The following ZNF221 variants were observed in gnomAD, a reference collection of about 807,000 sequenced individuals.
ZNF221 encodes zinc finger protein 221.
ZNF221 carries 10 observed loss-of-function variants against 12.6 expected under a neutral mutation model. The ratio of observed to expected loss-of-function variants is 0.79; its 90% CI spans 0.49 to 1.34. The LOEUF (loss-of-function observed/expected upper bound fraction) is 1.34, where lower values mean the gene tolerates loss of function less well. Among genes scored for constraint, ZNF221 ranks in the 40% most tolerant of loss-of-function variants. The pLI, the probability that ZNF221 is intolerant of heterozygous loss-of-function variation, is 0.00. For synonymous variants in ZNF221, 232 were observed against 244.0 expected, an observed-to-expected ratio of 0.95 and a Z score of 0.46; for missense variants, 661 against 721.4, an observed-to-expected ratio of 0.92 and a Z score of 0.96.
Position 43,966,848 on chromosome 19 carries a change from C to T in ZNF221, c.1346C>T (p.Pro449Leu), listed in dbSNP as rs757538674. 5.0e-6 allele frequency: 8 copies of T among 1,614,128 alleles called. No homozygotes were observed. The highest frequency in any genetic ancestry group is 3.3e-5 in the South Asian group (3 of 91,084). ...SHQRSHNGEK[P>L]YNCEECGKDY... ...CAGAGATCCCACAATGGAGAAAAGC[C>T]ATATAACTGTGAGGAGTGTGGTAAG... Residue 449 changes from proline (P) to leucine (L), a missense_variant, in exon 5 of 5, where the codon CCA (proline) becomes CTA (leucine). Coordinates refer to ENST00000587682, the MANE Select transcript of ZNF221 (RefSeq NM_001297588.2).
chr19:43,954,690 G>A (rs1045525839), intron 1 of ZNF221, among the ~76,000 whole-genome samples: 2 of 152,090 alleles, frequency 1.3e-5, no homozygotes, highest in Admixed American at 1.3e-4. Flanking sequence ...TTCTTGCTTA[G>A]GAATCATCCC....
chr19:43,970,711 TA>T (rs1262729730), downstream of ZNF221, among the ~76,000 whole-genome samples: 1 of 151,774 alleles, frequency 6.6e-6, no homozygotes, highest in Non-Finnish European at 1.5e-5. Flanking sequence ...CAGAGAAGAA[TA>T]GAGAAAGAAT....
intron 1 of ZNF221, among the ~76,000 whole-genome samples, chr19:43,961,514 CAATT>C (rs1296070723): frequency 1.3e-5 from 2 of 152,048 alleles, no homozygotes; most frequent in Non-Finnish European, 2.9e-5. Flanking sequence ...TACTAGATAT[CAATT>C]AAAAGACTAT....
chr19:43,976,125 A>G, the ZNF221 span, among the ~76,000 whole-genome samples: 1 of 152,070 alleles, frequency 6.6e-6, no homozygotes, highest in Admixed American at 6.5e-5. Flanking sequence ...TTGAACTTCT[A>G]GGCTCAGGCA....
At chr19:43,956,440 A>G (rs1395559433) in intron 1 of ZNF221, among the ~76,000 whole-genome samples, 1 of 152,194 alleles carries the variant, frequency 6.6e-6, no homozygotes, top group South Asian at 2.1e-4. Context: ...CAACCCTTAC[A>G]TTTTTATGTT....
intron 1 of ZNF221, among the ~76,000 whole-genome samples, chr19:43,952,285 A>G (rs77138444): frequency 0.015 from 2,256 of 152,238 alleles, 26 homozygotes; most frequent in Non-Finnish European, 0.024. Context: ...ATTTTGTAGC[A>G]TTGTTTCCGC....
chr19:43,966,137 C>A lies in ZNF221; in HGVS notation c.635C>A (p.Ala212Asp). 1 of 1,614,170 alleles carries A rather than the reference C, an allele frequency of 6.2e-7. No homozygotes were observed. The highest frequency in any genetic ancestry group is 8.5e-7 in the Non-Finnish European group (1 of 1,180,034). Residue 212 changes from alanine (A) to aspartate (D), a missense_variant, in exon 5 of 5, where the codon GCC becomes GAC. Ala to Asp is a moderately radical substitution (Grantham distance 126). Transcript: ENST00000587682. ...GGAAAAAGCTTCTGTTACAGCCCAG[C>A]CCTTCATATTCATCAGAGAGTCCAT... ...ECGKSFCYSP[A>D]LHIHQRVHMG...
chr19:43,953,811 G>A (rs1974712879), intron 1 of ZNF221, among the ~76,000 whole-genome samples: 1 of 152,130 alleles, frequency 6.6e-6, no homozygotes, highest in Non-Finnish European at 1.5e-5. Context: ...GCCAGGCGTG[G>A]TGGCTCACAC....
intron 1 of ZNF221, among the ~76,000 whole-genome samples, chr19:43,957,539 A>G (rs1024120374): frequency 2.6e-5 from 4 of 152,188 alleles, no homozygotes; most frequent in African/African-American, 9.7e-5. Context: ...TTAATTTAAC[A>G]TAATGATCTA....
chr19:43,963,839 C>A (rs547517086), intron 2 of ZNF221, among the ~76,000 whole-genome samples: 1 of 152,244 alleles, frequency 6.6e-6, no homozygotes, highest in Admixed American at 6.5e-5. Flanking sequence ...ATTACCGAAA[C>A]CATGGGAATA....
chr19:43,980,031 G>T, the ZNF221 span, among the ~76,000 whole-genome samples: 1 of 152,202 alleles, frequency 6.6e-6, no homozygotes, highest in Non-Finnish European at 1.5e-5. Context: ...GGACATAATA[G>T]TCAAACGAAG....
At chr19:43,955,846 T>C (rs1451968136) in intron 1 of ZNF221, among the ~76,000 whole-genome samples, 1 of 152,234 alleles carries the variant, frequency 6.6e-6, no homozygotes, top group Non-Finnish European at 1.5e-5. Context: ...GAGAGTTGTT[T>C]ATAGCTTCTC....
intron 1 of ZNF221, among the ~76,000 whole-genome samples, chr19:43,952,567 A>T (rs1427351838): frequency 6.6e-6 from 1 of 152,224 alleles, no homozygotes; most frequent in Non-Finnish European, 1.5e-5. Context: ...TGAGAGTGAA[A>T]CAAAGGGAGC....
At chr19:43,953,762 G>A (rs1974712031) in intron 1 of ZNF221, among the ~76,000 whole-genome samples, 1 of 152,022 alleles carries the variant, frequency 6.6e-6, no homozygotes, top group Non-Finnish European at 1.5e-5. Flanking sequence ...ACCCATCTTT[G>A]AACCCAGATC....
downstream of ZNF221, among the ~76,000 whole-genome samples, chr19:43,970,621 C>T (rs970919249): frequency 1.3e-5 from 2 of 152,130 alleles, no homozygotes; most frequent in African/African-American, 4.8e-5. Flanking sequence ...ACAATGCAAT[C>T]ACAAGTATCA....
intron 1 of ZNF221, among the ~76,000 whole-genome samples, chr19:43,958,107 A>G (rs1230394400): frequency 6.6e-6 from 1 of 152,240 alleles, no homozygotes; most frequent in Non-Finnish European, 1.5e-5. Flanking sequence ...CAGGCCATGT[A>G]TAAACAATTC....
rs1225714083 is a variant in ZNF221 at position 43,966,807 on chromosome 19, A to C, written c.1305A>C (p.Ser435=). The C allele has an allele frequency of 1.2e-6, 2 of 1,614,110 alleles. No homozygotes were observed. The highest frequency in any genetic ancestry group is 1.7e-6 in the Non-Finnish European group (2 of 1,180,044). Residue 435 remains serine (S), a synonymous_variant, in exon 5 of 5, where the codon TCA becomes TCC. Coordinates refer to ENST00000587682, the MANE Select transcript of ZNF221 (RefSeq NM_001297588.2). ...GTGGGAAGGGATTTTATACAAATTC[A>C]CGACGATCTTCCCATCAGAGATCCC... ...EECGKGFYTN[S]RRSSHQRSHN... is the part of the protein sequence containing the mutation.
At position 43,966,183 on chromosome 19, in the gene ZNF221, G is replaced by A. The variant is rs746618181; in HGVS notation, c.681G>A (p.Lys227=). 6.2e-7 allele frequency: 1 copy of A among 1,614,140 alleles called. No individual in the cohort carries two copies. The highest frequency in any genetic ancestry group is 1.1e-5 in the South Asian group (1 of 91,082). Residue 227 remains lysine (K), a synonymous_variant, in exon 5 of 5, where the codon AAG becomes AAA. Transcript: ENST00000587682. ...QRVHMGEKCY[K]CDVCGKEFNQ... ...TCCATATGGGAGAAAAATGCTATAA[G>A]TGTGATGTGTGTGGTAAGGAATTTA...
intron 2 of ZNF221, among the ~76,000 whole-genome samples, chr19:43,964,482 A>G (rs1038916216): frequency 5.9e-5 from 9 of 152,228 alleles, no homozygotes; most frequent in African/African-American, 1.9e-4. Flanking sequence ...ACAGGTCACC[A>G]TATACTGGTT....
Sources: gnomAD v4.1 joint callset for allele counts (sites outside exome capture counted in the v4.1 genomes callset) on GRCh38, gnomAD v4.1.1 for gene constraint, MANE v1.5 for transcripts, NCBI Gene and HGNC (gene_info 2026-07-23, HGNC 2026-07-21) for gene names.